Variants in FRMPD4 observed in about 807,000 individuals in gnomAD.
FRMPD4 encodes the protein FERM and PDZ domain-containing protein 4.
FRMPD4 carries 22 observed loss-of-function variants against 94.1 expected under a neutral mutation model. That is an observed-to-expected ratio of 0.23 (90% confidence interval 0.17 to 0.33). FRMPD4 has a LOEUF of 0.33. FRMPD4 is among the 10% of genes least tolerant of loss of function. The probability of loss-of-function intolerance (pLI) is 1.00; values close to 1 mark genes in which losing one functional copy is unlikely to be tolerated. For missense variants in FRMPD4, 1,111 were observed against 1,339.9 expected, an observed-to-expected ratio of 0.83 and a Z score of 2.67; for synonymous variants, 631 against 548.6, an observed-to-expected ratio of 1.15 and a Z score of -2.10.
chrX:12,482,645 GTTATT>G (rs1374836680), intron 1 of FRMPD4, among the ~76,000 whole-genome samples: 1 of 112,286 alleles, frequency 8.9e-6, no homozygotes, highest in East Asian at 2.8e-4. Flanking sequence ...AACCATGTAT[GTTATT>G]TTAAATTTTC....
chrX:12,678,918 T>A (rs938302097), intron 5 of FRMPD4, among the ~76,000 whole-genome samples: 2 of 112,767 alleles, frequency 1.8e-5, no homozygotes, highest in East Asian at 5.5e-4. Flanking sequence ...TGGTGTCCCA[T>A]GAGCTAGCAT....
At chrX:12,325,724 TA>T (rs777462268) in intron 1 of FRMPD4, among the ~76,000 whole-genome samples, 15 of 112,453 alleles carry the variant, frequency 1.3e-4, no homozygotes, top group Non-Finnish European at 2.6e-4. Flanking sequence ...CCTGAAGCTC[TA>T]AAATGCAGAC....
At chrX:12,582,061 A>G (rs2058871442) in intron 2 of FRMPD4, among the ~76,000 whole-genome samples, 1 of 112,355 alleles carries the variant, frequency 8.9e-6, no homozygotes, top group African/African-American at 3.2e-5. Flanking sequence ...CTGTCTCTGC[A>G]GTGCTTAGAA....
At chrX:12,093,115 A>G (rs1569157029) in intron 3 of FRMPD4, among the ~76,000 whole-genome samples, 1 of 111,421 alleles carries the variant, frequency 9.0e-6, no homozygotes, top group Non-Finnish European at 1.9e-5. Context: ...GAGTCAGGTA[A>G]GGATGGAAAT....
In FRMPD4 at chrX:12,717,727, C is replaced by T. The variant is rs779888875; in HGVS notation, c.2901C>T (p.Ser967=). The change falls in exon 16 of 17, where the codon TCC becomes TCT. Residue 967 remains serine (S), a synonymous_variant. Transcript: ENST00000675598. ...CCGCTGGGGGCTTGCCTCCAAAGTCCTCGCACGCCCTGGCTGCTAGGCCAG... is the reference window on the plus strand; with the variant it reads ...CCGCTGGGGGCTTGCCTCCAAAGTCTTCGCACGCCCTGGCTGCTAGGCCAG... The part of the protein sequence containing the change: ...KTPAGGLPPK[S]SHALAARPAT... 28 of 1,210,121 alleles carry T rather than the reference C, an allele frequency of 2.3e-5. No homozygotes were observed. Among genetic ancestry groups the T allele is most frequent in the Non-Finnish European group, 2.8e-5 (25 of 894,811 alleles).
intron 5 of FRMPD4, among the ~76,000 whole-genome samples, chrX:12,678,348 C>G (rs1203913820): frequency 8.9e-6 from 1 of 112,386 alleles, no homozygotes; most frequent in East Asian, 2.8e-4. Context: ...AGGGGAATTT[C>G]TGGGTTACTC....
intron 3 of FRMPD4, among the ~76,000 whole-genome samples, chrX:12,120,778 A>C (rs1206927959): frequency 9.0e-6 from 1 of 111,253 alleles, no homozygotes; most frequent in East Asian, 2.8e-4. Context: ...GCTGGGGTAC[A>C]ATAATGTGTG....
chrX:11,845,430 A>G (rs929889749), intron 1 of FRMPD4, among the ~76,000 whole-genome samples: 2 of 111,263 alleles, frequency 1.8e-5, no homozygotes, highest in African/African-American at 6.5e-5. Flanking sequence ...ATGGATTCAC[A>G]GCCGAATTCT....
chrX:12,509,988 G>A (rs1386289212), intron 2 of FRMPD4, among the ~76,000 whole-genome samples: 2 of 111,902 alleles, frequency 1.8e-5, no homozygotes, highest in Admixed American at 1.9e-4. Flanking sequence ...CTCTTTCAGT[G>A]TTAGCTCTGT....
chrX:12,382,292 C>G (rs953149586), intron 1 of FRMPD4, among the ~76,000 whole-genome samples: 1 of 111,384 alleles, frequency 9.0e-6, no homozygotes, highest in African/African-American at 3.3e-5. Flanking sequence ...AATGGGGTGA[C>G]CCAGAAATAG....
intron 1 of FRMPD4, among the ~76,000 whole-genome samples, chrX:12,277,852 C>T (rs1341216173): frequency 8.9e-6 from 1 of 112,071 alleles, no homozygotes; most frequent in African/African-American, 3.3e-5. Context: ...GAGCTCAATA[C>T]CCATGTGCAG....
chrX:12,594,648 G>C (rs6641061), intron 2 of FRMPD4, among the ~76,000 whole-genome samples: 30,249 of 109,420 alleles, frequency 0.28, 4,625 homozygotes, highest in African/African-American at 0.58. Flanking sequence ...CGTTAGCCAG[G>C]ATGGTCTCGA....
chrX:12,567,240 T>G, intron 2 of FRMPD4, among the ~76,000 whole-genome samples: 1 of 111,789 alleles, frequency 8.9e-6, no homozygotes, highest in East Asian at 2.8e-4. Flanking sequence ...GAGCAACAGA[T>G]TTGCACAATA....
intron 1 of FRMPD4, among the ~76,000 whole-genome samples, chrX:11,836,874 T>A (rs1341405463): frequency 3.6e-5 from 4 of 112,050 alleles, no homozygotes; most frequent in Non-Finnish European, 7.5e-5. Flanking sequence ...ATTTCATTAT[T>A]CTTATTAGGT....
intron 14 of FRMPD4, 70 bp from the exon 15 acceptor site, chrX:12,715,999 C>CGGGGCG: frequency 3.0e-6 from 1 of 337,362 alleles, no homozygotes; most frequent in Non-Finnish European, 5.4e-6. Context: ...CAGAGACGAG[C>CGGGGCG]CTCCCACCCC....
intron 1 of FRMPD4, among the ~76,000 whole-genome samples, chrX:12,238,148 C>A (rs1333709380): frequency 1.8e-5 from 2 of 111,104 alleles, no homozygotes; most frequent in African/African-American, 6.5e-5. Flanking sequence ...TGTTGAGATG[C>A]AGTTTCGCTC....
chrX:12,261,800 AT>A (rs2054192830), intron 1 of FRMPD4, among the ~76,000 whole-genome samples: 1 of 112,004 alleles, frequency 8.9e-6, no homozygotes, highest in Non-Finnish European at 1.9e-5. Context: ...CATTCCCATT[AT>A]TTTTTCTGTC....
At chrX:12,472,203 G>A (rs1342427906) in intron 1 of FRMPD4, among the ~76,000 whole-genome samples, 2 of 112,448 alleles carry the variant, frequency 1.8e-5, no homozygotes, top group African/African-American at 3.2e-5. Context: ...GATGAATCCT[G>A]GGGGTCAGTG....
intron 1 of FRMPD4, among the ~76,000 whole-genome samples, chrX:11,841,421 T>A (rs1320312582): frequency 9.2e-6 from 1 of 108,490 alleles, no homozygotes; most frequent in African/African-American, 3.4e-5. Flanking sequence ...GTTTCCTGAC[T>A]TTTTAATGAT....
Sources: gnomAD v4.1 joint callset for allele counts (sites outside exome capture counted in the v4.1 genomes callset) on GRCh38, gnomAD v4.1.1 for gene constraint, MANE v1.5 for transcripts, NCBI Gene and HGNC (gene_info 2026-07-23, HGNC 2026-07-21) for gene names.